Variants in BTAF1 observed in about 807,000 individuals in gnomAD.
The protein encoded by BTAF1 is TATA-binding protein-associated factor 172.
Under a neutral mutation model 227.1 loss-of-function variants are expected in BTAF1, and 38 were observed. The observed-to-expected ratio is 0.17, with a 90% CI of 0.13 to 0.22. The LOEUF is 0.22. Among genes scored for constraint, BTAF1 ranks in the 10% least tolerant of loss-of-function variants. The probability of loss-of-function intolerance (pLI) is 1.00; values close to 1 mark genes in which losing one functional copy is unlikely to be tolerated. For synonymous variants in BTAF1, 742 were observed against 751.9 expected, an observed-to-expected ratio of 0.99 and a Z score of 0.21; for missense variants, 1,598 against 2,204.0, an observed-to-expected ratio of 0.73 and a Z score of 5.51.
chr10:91,924,111 G>A, intron 1 of BTAF1, 21 bp downstream of exon 1: 1 of 1,605,910 alleles, frequency 6.2e-7, no homozygotes. Context: ...CTCCTGACGA[G>A]CAAACTGGAA....
In BTAF1 at chr10:91,959,968, T is replaced by G; in HGVS notation, c.1087-10T>G. On this transcript the variant is annotated splice_polypyrimidine_tract_variant and intron_variant, in intron 10 of 37. Transcript: ENST00000265990. ...TGCAAATATGAGTTTTCTTCCTTTT[T>G]CGTCTGTAGGTTGTGGCACCAGTTC... 1 of 1,601,716 alleles carries G rather than the reference T, an allele frequency of 6.2e-7. No homozygotes were observed. The highest frequency in any genetic ancestry group is 2.2e-5 in the East Asian group (1 of 44,678).
At chr10:91,994,480 G>T (rs1415979847) in intron 22 of BTAF1, 55 bp from the exon 23 acceptor site, 2 of 1,351,716 alleles carry the variant, frequency 1.5e-6, no homozygotes, top group African/African-American at 2.9e-5. Flanking sequence ...GTTTTTGTGT[G>T]CTCTAGATTT....
At chr10:91,986,790 G>C (rs1297512147) in intron 19 of BTAF1, among the ~76,000 whole-genome samples, 2 of 151,792 alleles carry the variant, frequency 1.3e-5, no homozygotes, top group Non-Finnish European at 2.9e-5. Flanking sequence ...CAGTTGTTTT[G>C]ACTTGGGCTA....
rs117240314 is a variant in BTAF1, at chr10:91,944,605, A to G, written c.400+2037A>G. On this transcript the variant is annotated intron_variant, in intron 4 of 37. Coordinates refer to ENST00000265990, the MANE Select transcript of BTAF1 (RefSeq NM_003972.3). Reference sequence around the variant, plus strand: ...TACAATTCATCATTTAAAGTATACAATTCAGTGGTTTTTAGTATACTCACA... The same window carrying G: ...TACAATTCATCATTTAAAGTATACAGTTCAGTGGTTTTTAGTATACTCACA... 7.3e-4 allele frequency among the ~76,000 whole-genome samples: 111 copies of G among 152,382 alleles called. 1 individual carries two copies. In the East Asian group the frequency reaches 0.019, roughly 26 times the overall value.
At chr10:92,024,511 C>A (rs58043823) in intron 34 of BTAF1, among the ~76,000 whole-genome samples, 58 of 152,020 alleles carry the variant, frequency 3.8e-4, no homozygotes, top group African/African-American at 1.4e-3. Flanking sequence ...ATAGTGAGAT[C>A]TTGAGTCTAT....
chr10:91,988,678 G>C (rs1166400276), intron 19 of BTAF1, among the ~76,000 whole-genome samples: 1 of 152,188 alleles, frequency 6.6e-6, no homozygotes, highest in African/African-American at 2.4e-5. Flanking sequence ...AAGAAAGAAA[G>C]AGAATGATTC....
At chr10:91,943,564 AT>A (rs1316875341) in intron 4 of BTAF1, among the ~76,000 whole-genome samples, 1 of 152,176 alleles carries the variant, frequency 6.6e-6, no homozygotes, top group East Asian at 1.9e-4. Context: ...CTTTTTTATC[AT>A]AAAAAATGTC....
chr10:91,968,495 A>G (rs1782616809), intron 14 of BTAF1, among the ~76,000 whole-genome samples: 1 of 152,214 alleles, frequency 6.6e-6, no homozygotes, highest in South Asian at 2.1e-4. Flanking sequence ...TAAAATTGTT[A>G]CAAACATTCA....
At chr10:92,018,685 C>T (rs1268431745) in intron 33 of BTAF1, 98 bp from the exon 34 acceptor site, 12 of 1,152,372 alleles carry the variant, frequency 1.0e-5, no homozygotes, top group Non-Finnish European at 1.4e-5. Flanking sequence ...GAAAGGCATT[C>T]TAAACAGCAT....
At chr10:92,014,195 G>A (rs1850549980) in intron 32 of BTAF1, among the ~76,000 whole-genome samples, 166 bp downstream of exon 32, 3 of 152,008 alleles carry the variant, frequency 2.0e-5, no homozygotes, top group African/African-American at 7.2e-5. Flanking sequence ...TTTGAATATA[G>A]CATTAAAACA....
At chr10:91,990,070 T>C (rs978028793) in intron 20 of BTAF1, among the ~76,000 whole-genome samples, 5 of 152,246 alleles carry the variant, frequency 3.3e-5, no homozygotes, top group Non-Finnish European at 5.9e-5. Flanking sequence ...TAACCAACTT[T>C]TTTGTTTTCA....
rs11186794 is a variant in BTAF1, at chr10:92,008,339, G to C, written c.3813+64G>C. 0.35 allele frequency: 487,409 copies of C among 1,411,816 alleles called. 89,411 individuals are homozygous for C. Among genetic ancestry groups the C allele is most frequent in the Non-Finnish European group, 0.38 (402,931 of 1,060,030 alleles). The allele number at this position is 1,411,816 out of a possible 1,614,324, so 87.5% of individuals were successfully genotyped here. On this transcript the variant is annotated intron_variant, in intron 26 of 37. Coordinates refer to ENST00000265990, the MANE Select transcript of BTAF1 (RefSeq NM_003972.3). ...ACCTTGAAGCGTTGTGGGTTTGTTG[G>C]GGGGGGCTTTTGTTTCTTTTTTGAG...
chr10:91,991,797 G>GTATA (rs1166615338), intron 20 of BTAF1, among the ~76,000 whole-genome samples: 128 of 9,960 alleles, frequency 0.013, 1 homozygote, highest in African/African-American at 0.022. Flanking sequence ...GTGTGTGTGT[G>GTATA]TATATATATA....
intron 14 of BTAF1, among the ~76,000 whole-genome samples, chr10:91,970,241 T>C (rs2252204): frequency 0.32 from 48,533 of 152,058 alleles, 8,894 homozygotes; most frequent in South Asian, 0.52. Context: ...TTAGCCACCT[T>C]TTAAGCATGG....
At chr10:91,928,367 G>A (rs538252840) in intron 1 of BTAF1, among the ~76,000 whole-genome samples, 2 of 152,200 alleles carry the variant, frequency 1.3e-5, no homozygotes, top group Admixed American at 1.3e-4. Flanking sequence ...AGCATTTGAA[G>A]TTCTCTGTCA....
At chr10:91,959,180 C>T in intron 9 of BTAF1, 26 bp downstream of exon 9, 1 of 1,613,322 alleles carries the variant, frequency 6.2e-7, no homozygotes, top group Admixed American at 1.7e-5. Flanking sequence ...CAACAATTAT[C>T]ACCAAGTATT....
At chr10:91,966,833 C>T (rs1846954305) in intron 14 of BTAF1, 76 bp downstream of exon 14, 1 of 1,391,492 alleles carries the variant, frequency 7.2e-7, no homozygotes, top group Non-Finnish European at 9.7e-7. Flanking sequence ...CTTTAGCTTA[C>T]CCTTGCTGTA....
intron 25 of BTAF1, among the ~76,000 whole-genome samples, chr10:92,002,551 A>G (rs555442690): frequency 6.6e-6 from 1 of 152,258 alleles, no homozygotes; most frequent in East Asian, 1.9e-4. Context: ...AAATATATGA[A>G]GATTTTGGTA....
rs150564018 is a variant in BTAF1 at position 91,945,224 on chromosome 10, G to A, written c.400+2656G>A. Among the ~76,000 whole-genome samples, 102 of 151,946 alleles carry A rather than the reference G, an allele frequency of 6.7e-4. No individual in the cohort carries two copies. In the Middle Eastern group the frequency reaches 0.01, roughly 15 times the overall value. Reference sequence around the variant, plus strand: ...TTTCAAGGTTCATCTATATGACAGCGTATATCAGTACTTTTTTTTCTTTTC... The same window carrying A: ...TTTCAAGGTTCATCTATATGACAGCATATATCAGTACTTTTTTTTCTTTTC... On this transcript the variant is annotated intron_variant, in intron 4 of 37. Transcript: ENST00000265990.
Sources: allele counts gnomAD v4.1 joint callset (sites outside exome capture counted in the v4.1 genomes callset), GRCh38; gene constraint gnomAD v4.1.1; transcripts MANE v1.5; gene names NCBI Gene and HGNC (gene_info 2026-07-23, HGNC 2026-07-21).